Variants in ZNF823 observed in about 807,000 individuals in gnomAD.
The protein encoded by ZNF823 is ZFP 36 for a zinc finger protein.
A neutral mutation model predicts 11.4 loss-of-function variants in ZNF823; 5 were observed. The ratio of observed to expected loss-of-function variants is 0.44; its 90% CI spans 0.23 to 0.92. The LOEUF (loss-of-function observed/expected upper bound fraction) is 0.92. ZNF823 is among the 40% of genes least tolerant of loss of function. The probability of loss-of-function intolerance (pLI) is 0.24; values close to 1 mark genes in which losing one functional copy is unlikely to be tolerated. For synonymous variants in ZNF823, 234 were observed against 250.5 expected (o/e 0.93, Z 0.62); for missense variants, 582 against 738.5 (o/e 0.79, Z 2.46).
chr19:11,725,474 A>G (rs1974774053), intron 1 of ZNF823, 147 bp from the exon 2 acceptor site: 4 of 1,144,508 alleles, frequency 3.5e-6, no homozygotes, highest in South Asian at 1.5e-5. Flanking sequence ...GTCTACACTC[A>G]CTTTTTCCCA....
chr19:11,725,248 A>G lies in ZNF823; in HGVS notation c.83T>C (p.Leu28Pro). The stretch of plus-strand genomic sequence containing the variant: ...GGTTTCCTGCATGACATTTCTGTAG[A>G]GACTCTTCTGTGATGGACCCAGCAA... ...WALLGPSQKS[L>P]YRNVMQETIR... is the part of the protein sequence containing the mutation. The change falls in exon 2 of 4, where the codon CTC becomes CCC. Residue 28 changes from leucine (L) to proline (P), a missense_variant. Transcript: ENST00000341191. 1 of 1,614,134 alleles carries G rather than the reference A, an allele frequency of 6.2e-7. No individual in the cohort carries two copies. Among genetic ancestry groups the G allele is most frequent in the Non-Finnish European group, 8.5e-7 (1 of 1,180,004 alleles).
chr19:11,728,396 T>G (rs1404543533), intron 1 of ZNF823, among the ~76,000 whole-genome samples: 1 of 152,204 alleles, frequency 6.6e-6, no homozygotes, highest in Non-Finnish European at 1.5e-5. Context: ...AGGTATATTA[T>G]GGCATACTTT....
chr19:11,738,430 C>G (rs1975035742), intron 1 of ZNF823, among the ~76,000 whole-genome samples: 1 of 152,246 alleles, frequency 6.6e-6, no homozygotes, highest in African/African-American at 2.4e-5. Flanking sequence ...GGAGGCGGAT[C>G]TGGGGTGTCC....
intron 3 of ZNF823, among the ~76,000 whole-genome samples, chr19:11,723,673 G>A (rs924832525): frequency 6.6e-6 from 1 of 152,164 alleles, no homozygotes; most frequent in Non-Finnish European, 1.5e-5. Context: ...AGCCTCCCAA[G>A]TAGCTGGGAT....
chr19:11,728,521 G>A (rs1422733361), intron 1 of ZNF823, among the ~76,000 whole-genome samples: 4 of 152,194 alleles, frequency 2.6e-5, no homozygotes, highest in Non-Finnish European at 4.4e-5. Flanking sequence ...TATGGGATGG[G>A]AGGATGGAAT....
intron 1 of ZNF823, among the ~76,000 whole-genome samples, chr19:11,737,853 G>A (rs905664891): frequency 6.6e-5 from 10 of 152,106 alleles, no homozygotes; most frequent in Admixed American, 2.0e-4. Flanking sequence ...ATAGGGTGGT[G>A]GATTTGAGAC....
At chr19:11,731,489 A>G (rs746104622) in intron 1 of ZNF823, among the ~76,000 whole-genome samples, 1 of 152,154 alleles carries the variant, frequency 6.6e-6, no homozygotes, top group Non-Finnish European at 1.5e-5. Flanking sequence ...CTGACTTCTG[A>G]TAACAAAGGT....
In ZNF823 at chr19:11,724,235, C is replaced by G; in HGVS notation, c.150G>C (p.Gln50His). Residue 50 changes from glutamine to histidine, a missense_variant, in exon 3 of 4, where the codon CAG (glutamine) becomes CAC (histidine). This residue lies in a region of ZNF823 where 429 missense variants were observed against 553.7 expected (regional missense o/e 0.77). Coordinates refer to ENST00000341191, the MANE Select transcript of ZNF823 (RefSeq NM_001080493.4). ...LDCIEMKWED[Q>H]NIGDQCQNAK... Reference sequence around the variant, plus strand: ...CATTTTGGCACTGATCTCCAATGTTCTGGTCCTCCCATTTCATTTCTAAAA... The same window carrying G: ...CATTTTGGCACTGATCTCCAATGTTGTGGTCCTCCCATTTCATTTCTAAAA... 6.2e-7 allele frequency: 1 copy of G among 1,607,364 alleles called. No homozygotes were observed. Among genetic ancestry groups the G allele is most frequent in the Non-Finnish European group, 8.5e-7 (1 of 1,177,372 alleles).
At chr19:11,729,263 T>C (rs78273427) in intron 1 of ZNF823, among the ~76,000 whole-genome samples, 1,943 of 151,772 alleles carry the variant, frequency 0.013, 90 homozygotes, top group Admixed American at 0.079. Flanking sequence ...ACATTAAATA[T>C]AAAGGTATGG....
Position 11,725,284 on chromosome 19 carries a change from T to A in ZNF823, c.47A>T (p.Glu16Val), listed in dbSNP as rs1390621475. 6.2e-7 allele frequency: 1 copy of A among 1,614,098 alleles called. No homozygotes were observed. Among genetic ancestry groups the A allele is most frequent in the East Asian group, 2.2e-5 (1 of 44,870 alleles). Reference protein sequence around the residue: ...FEDVAVNFTQEEWALLGPSQK... With the variant: ...FEDVAVNFTQVEWALLGPSQK... ...TGATGGACCCAGCAAAGCCCACTCC[T>A]CTTGTGTGAAGTTCACAGCCACATC... Residue 16 changes from glutamate (E) to valine (V), a missense_variant, in exon 2 of 4, where the codon GAG becomes GTG. Glu to Val is a moderately radical substitution (Grantham distance 121). Around this residue, in one of 3 missense-constraint regions of ZNF823, gnomAD observed 429 missense variants for 553.7 expected, o/e 0.77. Coordinates refer to ENST00000341191, the MANE Select transcript of ZNF823 (RefSeq NM_001080493.4).
chr19:11,724,272 G>A lies in ZNF823; in HGVS notation c.131-18C>T. 6.3e-7 allele frequency: 1 copy of A among 1,587,970 alleles called. No individual in the cohort carries two copies. The highest frequency in any genetic ancestry group is 1.4e-5 in the African/African-American group (1 of 73,334). ...TTTCATTTCTAAAAGGTAGACCCAG[G>A]AAAATCACTAAAAATGTTTACAAAA... On this transcript the variant is annotated intron_variant, in intron 2 of 3. Coordinates refer to ENST00000341191, the MANE Select transcript of ZNF823 (RefSeq NM_001080493.4).
At chr19:11,732,692 C>T (rs1974924108) in intron 1 of ZNF823, among the ~76,000 whole-genome samples, 1 of 152,092 alleles carries the variant, frequency 6.6e-6, no homozygotes, top group African/African-American at 2.4e-5. Context: ...CTCGGCCTCC[C>T]AATGTGCTGG....
chr19:11,730,554 G>A (rs1430055206), intron 1 of ZNF823: 1 of 152,096 alleles, frequency 6.6e-6, no homozygotes, highest in African/African-American at 2.4e-5. Context: ...CAACCTGGGT[G>A]ATAGTGCAAG....
chr19:11,726,254 A>G (rs1475023209), intron 1 of ZNF823: 1 of 146,694 alleles, frequency 6.8e-6, no homozygotes, highest in Admixed American at 6.9e-5. Context: ...CTCAAAAAAT[A>G]TAATAAAAGT....
Position 11,721,397 on chromosome 19 carries a change from C to T in ZNF823, c.*304G>A. On this transcript the variant is annotated 3_prime_UTR_variant, in exon 4 of 4. Coordinates refer to ENST00000341191, the MANE Select transcript of ZNF823 (RefSeq NM_001080493.4). ...TTCTCTAAACAATACAATCAAACAA[C>T]TATTTACATAGCTTTTACAATGCAT... The T allele has an allele frequency of 4.1e-6, 1 of 244,132 alleles. No individual in the cohort carries two copies. The highest frequency in any genetic ancestry group is 7.8e-6 in the Non-Finnish European group (1 of 127,980). 15.1% of individuals were successfully genotyped at this position (244,132 alleles called of 1,614,324 possible). A position where few individuals can be genotyped will look rare whatever the true frequency, so the allele number is the denominator to read the frequency against.
At chr19:11,729,427 T>C (rs1974854514) in intron 1 of ZNF823, among the ~76,000 whole-genome samples, 1 of 152,158 alleles carries the variant, frequency 6.6e-6, no homozygotes, top group South Asian at 2.1e-4. Flanking sequence ...ATAATAATCA[T>C]TAATATCTAT....
intron 1 of ZNF823, among the ~76,000 whole-genome samples, chr19:11,736,761 G>T (rs1290040449): frequency 6.6e-6 from 1 of 152,200 alleles, no homozygotes; most frequent in African/African-American, 2.4e-5. Context: ...TTTAGTGTCA[G>T]TTCAGGTCCT....
chr19:11,724,158 G>C, intron 3 of ZNF823, 36 bp downstream of exon 3: 1 of 1,560,340 alleles, frequency 6.4e-7, no homozygotes, highest in Non-Finnish European at 8.7e-7. Flanking sequence ...ATGAACCACT[G>C]CAGGGACATA....
Position 11,721,644 on chromosome 19 carries a change from G to A in ZNF823, c.*57C>T. 1 of 1,502,042 alleles carries A rather than the reference G, an allele frequency of 6.7e-7. No homozygotes were observed. The highest frequency in any genetic ancestry group is 9.0e-7 in the Non-Finnish European group (1 of 1,113,718). The allele number at this position is 1,502,042 out of a possible 1,614,324, so 93.0% of individuals were successfully genotyped here. The stretch of plus-strand genomic sequence containing the variant: ...CATTCATAGGGTCTATCTCCAAAGT[G>A]AGTTCTTTCAAGTTTCTGAAATTAA... On this transcript the variant is annotated 3_prime_UTR_variant, in exon 4 of 4. Transcript: ENST00000341191.
Sources: allele counts gnomAD v4.1 joint callset (sites outside exome capture counted in the v4.1 genomes callset), GRCh38; gene constraint gnomAD v4.1.1; regional missense constraint gnomAD v4.1.1; transcripts MANE v1.5; gene names NCBI Gene and HGNC (gene_info 2026-07-23, HGNC 2026-07-21).